VSTM4: variants seen among roughly 807,000 people sequenced by gnomAD.
VSTM4 encodes V-set and transmembrane domain-containing protein 4.
In VSTM4, 20 loss-of-function variants were observed where a neutral mutation model predicts 36.4. That is an observed-to-expected ratio of 0.55 (90% CI 0.39 to 0.80). The LOEUF (loss-of-function observed/expected upper bound fraction) is 0.80, where lower values mean the gene tolerates loss of function less well. VSTM4 is among the 30% of genes least tolerant of loss of function. The pLI is 0.00. For missense variants in VSTM4, 392 were observed against 404.5 expected (o/e 0.97, Z 0.26); for synonymous variants, 182 against 173.9 (o/e 1.05, Z -0.37).
intron 2 of VSTM4, chr10:49,102,414 G>A (rs919672741): frequency 9.1e-5 from 90 of 985,244 alleles, no homozygotes; most frequent in Admixed American, 2.5e-4. Flanking sequence ...GATTACAGGC[G>A]TAAGCCACCA....
At chr10:49,037,624 G>C (rs1350682762) in intron 7 of VSTM4, among the ~76,000 whole-genome samples, 3 of 152,206 alleles carry the variant, frequency 2.0e-5, no homozygotes, top group African/African-American at 7.2e-5. Flanking sequence ...TAAATTTAAA[G>C]CTTCTGGGAA....
At chr10:49,104,411 C>A (rs1350973533) in intron 2 of VSTM4, among the ~76,000 whole-genome samples, 1 of 152,192 alleles carries the variant, frequency 6.6e-6, no homozygotes, top group Non-Finnish European at 1.5e-5. Context: ...AGGCTGCAGC[C>A]ATGCGCCTCT....
At chr10:49,043,640 A>C (rs945992649) in intron 7 of VSTM4, among the ~76,000 whole-genome samples, 12 of 152,262 alleles carry the variant, frequency 7.9e-5, no homozygotes, top group African/African-American at 2.9e-4. Context: ...ATAACAAAAC[A>C]AAAATTAAGT....
At chr10:49,030,137 A>G (rs531350587) in intron 7 of VSTM4, among the ~76,000 whole-genome samples, 157 of 152,290 alleles carry the variant, frequency 1.0e-3, no homozygotes, top group African/African-American at 3.4e-3. Flanking sequence ...TGAGTATCCA[A>G]TGGCTACTGA....
chr10:49,096,598 T>C (rs937337262), intron 2 of VSTM4, among the ~76,000 whole-genome samples: 1 of 149,152 alleles, frequency 6.7e-6, no homozygotes, highest in African/African-American at 2.5e-5. Flanking sequence ...GGTTGTAGGA[T>C]TGGGTTGAAA....
chr10:49,044,675 T>C (rs951912365), intron 7 of VSTM4, among the ~76,000 whole-genome samples: 1 of 152,208 alleles, frequency 6.6e-6, no homozygotes, highest in South Asian at 2.1e-4. Flanking sequence ...TTATTTTAAC[T>C]GTATCTTTAA....
intron 7 of VSTM4, among the ~76,000 whole-genome samples, chr10:49,040,004 C>T (rs1406776439): frequency 1.3e-5 from 2 of 152,194 alleles, no homozygotes; most frequent in African/African-American, 4.8e-5. Flanking sequence ...AGCTTTGCTG[C>T]AGGGCATTTA....
rs1843100956 is a variant in VSTM4, at chr10:49,016,051, A to T, written c.*3599T>A. 1 of 152,236 alleles carries T rather than the reference A, an allele frequency of 6.6e-6. No homozygotes were observed. The highest frequency in any genetic ancestry group is 2.1e-4 in the South Asian group (1 of 4,828). The allele number at this position is 152,236 out of a possible 1,614,324, so 9.4% of individuals were successfully genotyped here. A position where few individuals can be genotyped will look rare whatever the true frequency, so the allele number is the denominator to read the frequency against. On this transcript the variant is annotated 3_prime_UTR_variant, in exon 8 of 8. Coordinates refer to ENST00000332853, the MANE Select transcript of VSTM4 (RefSeq NM_001031746.5). ...GCAGCAGGACACACGGTGCAGCAGGAGCTCAGGGGCTGCAATGCAGCCACT... is the reference window on the plus strand; with the variant it reads ...GCAGCAGGACACACGGTGCAGCAGGTGCTCAGGGGCTGCAATGCAGCCACT...
At chr10:49,108,690 G>C (rs1844837180) in intron 1 of VSTM4, among the ~76,000 whole-genome samples, 1 of 152,184 alleles carries the variant, frequency 6.6e-6, no homozygotes, top group Admixed American at 6.5e-5. Context: ...GAAGAGGAGG[G>C]ATGAGAGACT....
At chr10:49,087,787 T>C (rs1338325645) in intron 2 of VSTM4, among the ~76,000 whole-genome samples, 1 of 151,908 alleles carries the variant, frequency 6.6e-6, no homozygotes, top group East Asian at 1.9e-4. Flanking sequence ...GAGTTAAACG[T>C]CTCCAGCAAT....
At chr10:49,109,032 T>C (rs1844845046) in intron 1 of VSTM4, among the ~76,000 whole-genome samples, 1 of 152,104 alleles carries the variant, frequency 6.6e-6, no homozygotes, top group African/African-American at 2.4e-5. Flanking sequence ...GCCTGGAACC[T>C]CTTTCTGCCA....
At chr10:49,037,836 C>T (rs980921912) in intron 7 of VSTM4, among the ~76,000 whole-genome samples, 1 of 151,704 alleles carries the variant, frequency 6.6e-6, no homozygotes, top group Non-Finnish European at 1.5e-5. Flanking sequence ...AGACAAATGG[C>T]TGACAAGAAC....
intron 4 of VSTM4, among the ~76,000 whole-genome samples, chr10:49,069,513 C>T (rs1236553786): frequency 6.6e-6 from 1 of 152,198 alleles, no homozygotes; most frequent in African/African-American, 2.4e-5. Context: ...CCTGAGAAAG[C>T]ACCTCCCTCA....
intron 4 of VSTM4, among the ~76,000 whole-genome samples, chr10:49,069,540 C>T (rs61848371): frequency 0.18 from 26,881 of 152,142 alleles, 2,674 homozygotes; most frequent in Non-Finnish European, 0.23. Context: ...GCTCAACCCA[C>T]AGCCCCTGCC....
intron 2 of VSTM4, among the ~76,000 whole-genome samples, chr10:49,086,888 T>A (rs570835439): frequency 6.6e-6 from 1 of 152,210 alleles, no homozygotes. Flanking sequence ...CCCAGCTACA[T>A]GTGCTCAGGG....
intron 2 of VSTM4, among the ~76,000 whole-genome samples, chr10:49,104,180 T>A (rs1393710634): frequency 6.6e-6 from 1 of 152,040 alleles, no homozygotes; most frequent in African/African-American, 2.4e-5. Flanking sequence ...ATAGCTGTAA[T>A]CCCAGCTACT....
At chr10:49,114,974 A>C (rs1312225224) in intron 1 of VSTM4, among the ~76,000 whole-genome samples, 1 of 152,130 alleles carries the variant, frequency 6.6e-6, no homozygotes. Context: ...CCTCCTGGCC[A>C]AGGCAGATCC....
rs958174553 is a variant in VSTM4 at position 49,015,595 on chromosome 10, A to C, written c.*4055T>G. ...AATTTCTGTTTGGTTTTCCTTCCTG[A>C]TGAACAGTTTCTATCCTATGTATGG... On this transcript the variant is annotated 3_prime_UTR_variant, in exon 8 of 8. Transcript: ENST00000332853. The C allele has an allele frequency of 6.6e-6, 1 of 152,080 alleles. No homozygotes were observed. The highest frequency in any genetic ancestry group is 1.5e-5 in the Non-Finnish European group (1 of 68,064). The allele number at this position is 152,080 out of a possible 1,614,324, so 9.4% of individuals were successfully genotyped here.
chr10:49,056,093 G>A (rs1473702073), intron 5 of VSTM4, among the ~76,000 whole-genome samples: 1 of 152,208 alleles, frequency 6.6e-6, no homozygotes, highest in African/African-American at 2.4e-5. Context: ...CTACTCCTTT[G>A]TGAGGTATTT....
Sources: allele counts gnomAD v4.1 joint callset (sites outside exome capture counted in the v4.1 genomes callset), GRCh38; gene constraint gnomAD v4.1.1; transcripts MANE v1.5; gene names NCBI Gene and HGNC (gene_info 2026-07-23, HGNC 2026-07-21).